OTUD6B: variants seen among roughly 807,000 people sequenced by gnomAD.
The protein encoded by OTUD6B is OTU deubiquitinase 6B.
OTUD6B carries 41 observed loss-of-function variants against 36.9 expected under a neutral mutation model. The observed-to-expected ratio is 1.11, with a 90% CI of 0.87 to 1.44. OTUD6B has a LOEUF of 1.44. Among genes scored for constraint, OTUD6B ranks in the 40% most tolerant of loss-of-function variants. OTUD6B has a pLI of 0.00. For missense variants in OTUD6B, 356 were observed against 344.8 expected (o/e 1.03, Z -0.26); for synonymous variants, 114 against 114.2 (o/e 1.00, Z 0.01).
rs2130428307 is a variant in OTUD6B at position 91,073,866 on chromosome 8, G to T, written c.270G>T (p.Val90=). 1 of 1,593,754 alleles carries T rather than the reference G, an allele frequency of 6.3e-7. No homozygotes were observed. ...DSVAVNISNL[V]LENQPPRISK... Reference sequence around the variant, plus strand: ...TTGCTGTTAACATTTCAAACTTGGTGCTTGAGAATCAGCCACCTCGGATAT... The same window carrying T: ...TTGCTGTTAACATTTCAAACTTGGTTCTTGAGAATCAGCCACCTCGGATAT... Residue 90 remains valine (V), a synonymous_variant, in exon 3 of 7, where the codon GTG becomes GTT. Transcript: ENST00000404789.
chr8:91,078,249 G>A (rs1030096192), intron 3 of OTUD6B, 107 bp from the exon 4 acceptor site: 2 of 1,446,092 alleles, frequency 1.4e-6, no homozygotes, highest in Non-Finnish European at 9.0e-7. Flanking sequence ...CGAGAAGGGA[G>A]AATAAACACC....
intron 1 of OTUD6B, 143 bp downstream of exon 1, chr8:91,070,609 C>A: frequency 2.6e-6 from 2 of 755,350 alleles, no homozygotes; most frequent in Non-Finnish European, 4.3e-6. Flanking sequence ...CTTCTCTCTT[C>A]ACCTACCCCG....
chr8:91,070,968 C>A, intron 1 of OTUD6B, 170 bp from the exon 2 acceptor site: 6 of 808,638 alleles, frequency 7.4e-6, no homozygotes, highest in Non-Finnish European at 8.9e-6. Context: ...TTTTTGGTCT[C>A]AGCTTTATCT....
At chr8:91,077,689 T>G (rs970946627) in intron 3 of OTUD6B, among the ~76,000 whole-genome samples, 1 of 151,988 alleles carries the variant, frequency 6.6e-6, no homozygotes, top group African/African-American at 2.4e-5. Context: ...GATACCATTT[T>G]TATTAAGAAT....
At chr8:91,077,590 G>A (rs1351905846) in intron 3 of OTUD6B, among the ~76,000 whole-genome samples, 2 of 151,290 alleles carry the variant, frequency 1.3e-5, no homozygotes, top group Non-Finnish European at 2.9e-5. Flanking sequence ...TCTCATTTCC[G>A]TCACCCCACT....
rs750707094 is a variant in OTUD6B at position 91,084,833 on chromosome 8, C to T, written c.847C>T (p.Arg283Trp). ...AGGAGAACATTATAATTCGGTTACACGGTTGGTAAACATAGTTACTGAAAA... is the reference window on the plus strand; with the variant it reads ...AGGAGAACATTATAATTCGGTTACATGGTTGGTAAACATAGTTACTGAAAA... The part of the protein sequence containing the change: ...GLGEHYNSVT[R>W]LVNIVTENCS Residue 283 changes from arginine to tryptophan, a missense_variant, in exon 7 of 7, where the codon CGG becomes TGG. Coordinates refer to ENST00000404789, the MANE Select transcript of OTUD6B (RefSeq NM_016023.5). 79 of 1,575,238 alleles carry T rather than the reference C, an allele frequency of 5.0e-5. No homozygotes were observed. The East Asian group carries it at 1.2e-3, about 23-fold the overall frequency.
At chr8:91,080,460 G>T (rs1812882005) in intron 4 of OTUD6B, 2 of 574,718 alleles carry the variant, frequency 3.5e-6, no homozygotes, top group South Asian at 1.5e-4. Flanking sequence ...GAAATGGACT[G>T]CTTTGTTCTT....
chr8:91,082,181 A>G (rs758940225), intron 5 of OTUD6B, among the ~76,000 whole-genome samples: 1 of 152,136 alleles, frequency 6.6e-6, no homozygotes, highest in Non-Finnish European at 1.5e-5. Context: ...CTTAAAAATG[A>G]TATTTTAGGT....
intron 2 of OTUD6B, among the ~76,000 whole-genome samples, chr8:91,072,971 TATC>T (rs143436518): frequency 0.14 from 20,721 of 152,212 alleles, 1,863 homozygotes; most frequent in Non-Finnish European, 0.2. Flanking sequence ...GCATCTCTTT[TATC>T]TTGCCTATTG....
At chr8:91,080,844 C>T in intron 5 of OTUD6B, 114 bp downstream of exon 5, 1 of 736,228 alleles carries the variant, frequency 1.4e-6, no homozygotes, top group Non-Finnish European at 2.2e-6. Flanking sequence ...GATTCCTTTT[C>T]TTTATATATT....
At chr8:91,070,539 G>A in intron 1 of OTUD6B, 73 bp downstream of exon 1, 3 of 1,394,974 alleles carry the variant, frequency 2.2e-6, no homozygotes, top group Non-Finnish European at 3.0e-6. Flanking sequence ...TCGATTCTGG[G>A]GAATCTCAAG....
chr8:91,082,295 G>A (rs989491371), intron 5 of OTUD6B, among the ~76,000 whole-genome samples: 4 of 152,058 alleles, frequency 2.6e-5, no homozygotes, highest in Non-Finnish European at 5.9e-5. Context: ...AAAACCTCAG[G>A]AAGGAGTATG....
intron 3 of OTUD6B, among the ~76,000 whole-genome samples, chr8:91,075,105 C>A (rs1812777134): frequency 6.6e-6 from 1 of 152,046 alleles, no homozygotes; most frequent in South Asian, 2.1e-4. Flanking sequence ...CATACTATGC[C>A]TCTTAAAAAA....
chr8:91,078,513 G>T lies in OTUD6B; in HGVS notation c.473G>T (p.Cys158Phe). Reference protein sequence around the residue: ...EIKQIPSDGHCMYKAIEDQLK... With the variant: ...EIKQIPSDGHFMYKAIEDQLK... ...AAACAGATTCCATCTGATGGCCACT[G>T]TATGTATAAAGCCATTGAAGATCAA... Residue 158 changes from cysteine (C) to phenylalanine (F), a missense_variant, in exon 4 of 7, where the codon TGT becomes TTT. Physicochemically the swap from Cys to Phe is radical, Grantham distance 205. Transcript: ENST00000404789. 1 of 1,609,912 alleles carries T rather than the reference G, an allele frequency of 6.2e-7. No individual in the cohort carries two copies. Among genetic ancestry groups the T allele is most frequent in the South Asian group, 1.1e-5 (1 of 90,312 alleles).
chr8:91,084,632 C>G (rs1160830542), intron 6 of OTUD6B, 152 bp from the exon 7 acceptor site: 3 of 672,904 alleles, frequency 4.5e-6, no homozygotes, highest in South Asian at 1.3e-4. Context: ...GTGTTGAACT[C>G]TTAATTAATA....
rs375158776 is a variant in OTUD6B, at chr8:91,070,373, T to C, written c.-12T>C. The C allele has an allele frequency of 7.4e-6, 12 of 1,611,342 alleles. No individual in the cohort carries two copies. Among genetic ancestry groups the C allele is most frequent in the South Asian group, 6.6e-5 (6 of 90,456 alleles). On this transcript the variant is annotated 5_prime_UTR_variant, in exon 1 of 7. Coordinates refer to ENST00000404789, the MANE Select transcript of OTUD6B (RefSeq NM_016023.5). ...GTTTCTTCTAGCGCGTGTGCTGGGG[T>C]ACCTGGTCGTCATGGAGGCGGTATT...
chr8:91,073,441 G>C (rs1313596026), intron 2 of OTUD6B, among the ~76,000 whole-genome samples: 1 of 152,140 alleles, frequency 6.6e-6, no homozygotes, highest in Non-Finnish European at 1.5e-5. Context: ...ATGGAAAAAG[G>C]CCTCTGCTGC....
chr8:91,078,392 C>A lies in OTUD6B; in HGVS notation c.352C>A (p.Arg118=). The A allele has an allele frequency of 6.3e-7, 1 of 1,590,824 alleles. No homozygotes were observed. The highest frequency in any genetic ancestry group is 1.1e-5 in the South Asian group (1 of 87,464). Residue 118 remains arginine, a synonymous_variant, in exon 4 of 7, where the codon CGG becomes AGG. Transcript: ENST00000404789. ...TGCATTGGAAAAGGAGCGAGAAGAA[C>A]GGATAGCTGAAGCTGAAATTGAAAA... ...KAALEKEREE[R]IAEAEIENLT...
intron 1 of OTUD6B, among the ~76,000 whole-genome samples, 165 bp downstream of exon 1, chr8:91,070,631 A>G (rs1812669986): frequency 2.0e-5 from 3 of 151,836 alleles, no homozygotes; most frequent in Non-Finnish European, 2.9e-5. Context: ...CGGCCCTTTA[A>G]TTCCCCAACC....
Sources: allele counts gnomAD v4.1 joint callset (sites outside exome capture counted in the v4.1 genomes callset), GRCh38; gene constraint gnomAD v4.1.1; transcripts MANE v1.5; gene names NCBI Gene and HGNC (gene_info 2026-07-23, HGNC 2026-07-21).